Variants in CFAP97D2 observed in about 807,000 individuals in gnomAD.
The protein encoded by CFAP97D2 is uncharacterized protein CFAP97D2.
chr13:114,185,772 T>C lies in CFAP97D2; in HGVS notation c.90+6352T>C, dbSNP rs924011538. ...CTTGCCACCTCAGCCCCCTCCAGAT[T>C]TGGGCACTGACAAGCACAGGAGGGA... On this transcript the variant is annotated intron_variant, in intron 1 of 4. Transcript: ENST00000646158. The surrounding 1 kb of genome is among the most constrained non-coding windows in gnomAD (Gnocchi z 5.2). 6.6e-6 allele frequency among the ~76,000 whole-genome samples: 1 copy of C among 152,160 alleles called. No individual in the cohort carries two copies. Among genetic ancestry groups the C allele is most frequent in the African/African-American group, 2.4e-5 (1 of 41,442 alleles).
At chr13:114,184,401 A>G (rs2080847989) in intron 1 of CFAP97D2, among the ~76,000 whole-genome samples, 1 of 152,238 alleles carries the variant, frequency 6.6e-6, no homozygotes, top group Admixed American at 6.5e-5. Context: ...AAGAATGCCA[A>G]AAAGGATAAA....
At position 114,186,919 on chromosome 13, in the gene CFAP97D2, C is replaced by G. The variant is rs1317943278; in HGVS notation, c.90+7499C>G. Among the ~76,000 whole-genome samples, 1 of 152,208 alleles carries G rather than the reference C, an allele frequency of 6.6e-6. No individual in the cohort carries two copies. Among genetic ancestry groups the G allele is most frequent in the African/African-American group, 2.4e-5 (1 of 41,452 alleles). ...ATGAGCTGAGCACAGCCTGCCAGTC[C>G]AAGTGGGCCCAGTGGGCCCGAGCAA... On this transcript the variant is annotated intron_variant, in intron 1 of 4. Transcript: ENST00000646158. The surrounding 1 kb of genome is among the most constrained non-coding windows in gnomAD (Gnocchi z 4.3).
intron 4 of CFAP97D2, among the ~76,000 whole-genome samples, chr13:114,215,344 T>G (rs1200498863): frequency 1.3e-5 from 2 of 152,236 alleles, no homozygotes; most frequent in Non-Finnish European, 2.9e-5. Flanking sequence ...TTTTTTCTAT[T>G]ATCAATGTCA....
intron 4 of CFAP97D2, among the ~76,000 whole-genome samples, chr13:114,220,683 T>C (rs1356744463): frequency 6.6e-6 from 1 of 152,206 alleles, no homozygotes; most frequent in African/African-American, 2.4e-5. Context: ...CAATAACTCC[T>C]GCACATGAGA....
intron 1 of CFAP97D2, among the ~76,000 whole-genome samples, chr13:114,180,175 T>C (rs1338420528): frequency 6.6e-6 from 1 of 152,208 alleles, no homozygotes; most frequent in Non-Finnish European, 1.5e-5. Flanking sequence ...TCCACATGTG[T>C]GTTGATCAGG....
At chr13:114,215,041 T>C (rs945794238) in intron 4 of CFAP97D2, among the ~76,000 whole-genome samples, 6 of 152,226 alleles carry the variant, frequency 3.9e-5, no homozygotes, top group Non-Finnish European at 5.9e-5. Context: ...CTGTAACTTA[T>C]ATTCCTAGAA....
intron 1 of CFAP97D2, among the ~76,000 whole-genome samples, chr13:114,188,626 A>T (rs1228768064): frequency 6.6e-6 from 1 of 151,884 alleles, no homozygotes; most frequent in Non-Finnish European, 1.5e-5. Flanking sequence ...ACATACAAAA[A>T]ATTAGACGGG....
intron 3 of CFAP97D2, among the ~76,000 whole-genome samples, chr13:114,206,915 G>A (rs2080943005): frequency 6.6e-6 from 1 of 152,208 alleles, no homozygotes; most frequent in Non-Finnish European, 1.5e-5. Context: ...GCCTTCTCTG[G>A]TCAGCTGGAT....
rs779416803 is a variant in CFAP97D2 at position 114,185,536 on chromosome 13, G to T, written c.90+6116G>T. ...GCTGCAGCCACCTGGCCATGGCTGC[G>T]GACCCAGGCATGTGTGTGGTTCTGC... is the stretch of plus-strand genomic sequence containing the variant. On this transcript the variant is annotated intron_variant, in intron 1 of 4. Transcript: ENST00000646158. The surrounding 1 kb of genome is among the most constrained non-coding windows in gnomAD (Gnocchi z 5.2). 1.2e-4 allele frequency among the ~76,000 whole-genome samples: 19 copies of T among 152,202 alleles called. No individual in the cohort carries two copies. The highest frequency in any genetic ancestry group is 4.3e-4 in the African/African-American group (18 of 41,456).
At chr13:114,191,222 T>G (rs1160444015) in intron 1 of CFAP97D2, among the ~76,000 whole-genome samples, 2 of 152,174 alleles carry the variant, frequency 1.3e-5, no homozygotes, top group African/African-American at 2.4e-5. Flanking sequence ...AAATAGGTTT[T>G]TAGACACAAT....
chr13:114,179,367 A>G lies in CFAP97D2; in HGVS notation c.37A>G (p.Ser13Gly). The G allele has an allele frequency of 2.5e-6, 1 of 398,720 alleles. No individual in the cohort carries two copies. Among genetic ancestry groups the G allele is most frequent in the Non-Finnish European group, 4.4e-6 (1 of 226,140 alleles). 24.7% of individuals were successfully genotyped at this position (398,720 alleles called of 1,614,324 possible). Residue 13 changes from serine (S) to glycine (G), a missense_variant, in exon 1 of 5, where the codon AGT (serine) becomes GGT (glycine). Transcript: ENST00000646158. The surrounding 1 kb of genome is among the most constrained non-coding windows in gnomAD (Gnocchi z 4.8). ...CCCCCGGCTGACCTTTCCCTGTGCC[A>G]GTGAGTACCTGTGGCATGCAAGGGA...
At position 114,189,436 on chromosome 13, in the gene CFAP97D2, C is replaced by T. The variant is rs191076805; in HGVS notation, c.91-6960C>T. Among the ~76,000 whole-genome samples the T allele has an allele frequency of 5.3e-5, 8 of 152,276 alleles. No homozygotes were observed. Among genetic ancestry groups the T allele is most frequent in the Middle Eastern group, 3.4e-3 (1 of 294 alleles). ...AGAAATTTTACCTATTCTCTACAAT[C>T]GCTTTCAGAGGACTGAAGCAGTGGG... is the stretch of plus-strand genomic sequence containing the variant. On this transcript the variant is annotated intron_variant, in intron 1 of 4. Coordinates refer to ENST00000646158, the Ensembl canonical transcript of CFAP97D2. The surrounding 1 kb of genome is among the most constrained non-coding windows in gnomAD (Gnocchi z 4.5).
chr13:114,190,679 T>C (rs1277636814), intron 1 of CFAP97D2, among the ~76,000 whole-genome samples: 2 of 152,226 alleles, frequency 1.3e-5, no homozygotes, highest in African/African-American at 2.4e-5. Context: ...GAAGATACAA[T>C]ATTGTCAAAA....
At chr13:114,210,339 A>T (rs2080961362) in intron 3 of CFAP97D2, among the ~76,000 whole-genome samples, 2 of 152,212 alleles carry the variant, frequency 1.3e-5, no homozygotes, top group Admixed American at 1.3e-4. Flanking sequence ...ACTTTTATGC[A>T]TTAATTTCAT....
At position 114,203,718 on chromosome 13, in the gene CFAP97D2, G is replaced by T. The variant is rs1457528441; in HGVS notation, c.290+3275G>T. Reference sequence around the variant, plus strand: ...ACCACACAGGAACTGAAGAGGCCAGGCTCCTCCCCTGCCCGTGGCTTCACC... The same window carrying T: ...ACCACACAGGAACTGAAGAGGCCAGTCTCCTCCCCTGCCCGTGGCTTCACC... On this transcript the variant is annotated intron_variant, in intron 3 of 4. Transcript: ENST00000646158. The surrounding 1 kb of genome is among the most constrained non-coding windows in gnomAD (Gnocchi z 4.3). Among the ~76,000 whole-genome samples, 1 of 152,214 alleles carries T rather than the reference G, an allele frequency of 6.6e-6. No individual in the cohort carries two copies. Among genetic ancestry groups the T allele is most frequent in the Non-Finnish European group, 1.5e-5 (1 of 68,034 alleles).
intron 4 of CFAP97D2, among the ~76,000 whole-genome samples, chr13:114,217,878 AAAT>A (rs2081002846): frequency 6.6e-6 from 1 of 152,194 alleles, no homozygotes; most frequent in Non-Finnish European, 1.5e-5. Context: ...ACGTATCTCA[AAAT>A]AATAAGAGCT....
chr13:114,222,753 A>G (rs2081026836), downstream of CFAP97D2: 1 of 384,702 alleles, frequency 2.6e-6, no homozygotes, highest in Non-Finnish European at 4.6e-6. The surrounding 1 kb of genome is among the most constrained non-coding windows in gnomAD (Gnocchi z 4.4). Flanking sequence ...CACTGTTATC[A>G]CAGCCGGAGC....
chr13:114,217,949 C>G (rs894841110), intron 4 of CFAP97D2, among the ~76,000 whole-genome samples: 2 of 152,168 alleles, frequency 1.3e-5, no homozygotes, highest in Non-Finnish European at 2.9e-5. Flanking sequence ...GGAAGCATTC[C>G]CTTTGAAAAC....
intron 3 of CFAP97D2, among the ~76,000 whole-genome samples, chr13:114,201,676 G>A (rs570263976): frequency 6.6e-6 from 1 of 152,308 alleles, no homozygotes; most frequent in Admixed American, 6.5e-5. Flanking sequence ...CTTTAACAAA[G>A]GACACTTGCC....
Sources: gnomAD v4.1 joint callset for allele counts (sites outside exome capture counted in the v4.1 genomes callset) on GRCh38, gnomAD v4.1.1 for gene constraint, Gnocchi (gnomAD v3.1) non-coding constraint, MANE v1.5 for transcripts, NCBI Gene and HGNC (gene_info 2026-07-23, HGNC 2026-07-21) for gene names.